The following AGBL4 variants were observed in gnomAD, a reference collection of about 807,000 sequenced individuals.
AGBL4 encodes AGBL carboxypeptidase 4, also known as cytosolic carboxypeptidase 6.
Under a neutral mutation model 66.4 loss-of-function variants are expected in AGBL4, and 58 were observed. The observed-to-expected ratio is 0.87, with a 90% CI of 0.71 to 1.09. The LOEUF is 1.09. AGBL4 is among the 50% of genes least tolerant of loss of function. The pLI, the probability that AGBL4 is intolerant of heterozygous loss-of-function variation, is 0.00. For synonymous variants in AGBL4, 234 were observed against 222.9 expected, an observed-to-expected ratio of 1.05 and a Z score of -0.44; for missense variants, 579 against 631.0, an observed-to-expected ratio of 0.92 and a Z score of 0.88.
chr1:48,542,900 T>C (rs1644097474), intron 11 of AGBL4, among the ~76,000 whole-genome samples: 5 of 152,246 alleles, frequency 3.3e-5, no homozygotes, highest in Admixed American at 2.6e-4. Flanking sequence ...GTTTCAGTCA[T>C]GAAGTCTTTC....
intron 6 of AGBL4, among the ~76,000 whole-genome samples, chr1:48,749,944 G>T (rs925030713): frequency 6.6e-6 from 1 of 152,222 alleles, no homozygotes; most frequent in African/African-American, 2.4e-5. Flanking sequence ...GGAATAAGTG[G>T]GGTGGGCAGC....
chr1:48,805,086 T>C (rs1054961070), intron 6 of AGBL4, among the ~76,000 whole-genome samples: 4 of 152,130 alleles, frequency 2.6e-5, no homozygotes, highest in Non-Finnish European at 5.9e-5. Flanking sequence ...ACCTGCTGGG[T>C]ACCAGACCCC....
intron 4 of AGBL4, among the ~76,000 whole-genome samples, chr1:49,137,651 C>T (rs1323328777): frequency 1.3e-5 from 2 of 151,952 alleles, no homozygotes; most frequent in African/African-American, 2.4e-5. Flanking sequence ...TATAGGCTAC[C>T]GAGTAGTCAA....
intron 4 of AGBL4, among the ~76,000 whole-genome samples, chr1:49,151,733 T>C (rs1022293278): frequency 3.3e-5 from 5 of 152,200 alleles, no homozygotes; most frequent in African/African-American, 1.2e-4. Flanking sequence ...CTCTGAAGAA[T>C]TACAACGTGT....
intron 7 of AGBL4, among the ~76,000 whole-genome samples, chr1:48,658,901 C>T (rs928325225): frequency 2.0e-5 from 3 of 151,508 alleles, no homozygotes; most frequent in Non-Finnish European, 2.9e-5. Flanking sequence ...CTTCTTACTC[C>T]CACAAAATAA....
intron 3 of AGBL4, among the ~76,000 whole-genome samples, chr1:49,594,627 T>C (rs1644816851): frequency 6.6e-6 from 1 of 152,252 alleles, no homozygotes; most frequent in South Asian, 2.1e-4. Context: ...TTTGGTTTTC[T>C]GTTCTTGTGT....
At chr1:48,806,941 T>A (rs1169399774) in intron 6 of AGBL4, among the ~76,000 whole-genome samples, 4 of 152,144 alleles carry the variant, frequency 2.6e-5, no homozygotes, top group African/African-American at 9.7e-5. Context: ...TATGTGTGTG[T>A]GTGTGTGTGT....
At chr1:49,624,833 AT>A (rs1329764973) in intron 3 of AGBL4, among the ~76,000 whole-genome samples, 1 of 152,176 alleles carries the variant, frequency 6.6e-6, no homozygotes. Flanking sequence ...AATTCCTTAT[AT>A]TTTTTAAAGC....
intron 6 of AGBL4, among the ~76,000 whole-genome samples, chr1:48,673,896 T>C (rs558995404): frequency 1.3e-5 from 2 of 152,280 alleles, no homozygotes; most frequent in South Asian, 2.1e-4. Flanking sequence ...ACCGCCCCCA[T>C]TGCATGTTGT....
chr1:49,186,164 T>TC (rs1647012602), intron 4 of AGBL4, among the ~76,000 whole-genome samples: 1 of 152,138 alleles, frequency 6.6e-6, no homozygotes, highest in Non-Finnish European at 1.5e-5. Flanking sequence ...GAGCAAATGC[T>TC]CCCCAACACC....
chr1:49,439,643 C>T (rs1645980669), intron 3 of AGBL4, among the ~76,000 whole-genome samples: 2 of 152,138 alleles, frequency 1.3e-5, no homozygotes, highest in South Asian at 4.1e-4. Flanking sequence ...CACCCTTAAT[C>T]TGGGTGGGCA....
intron 1 of AGBL4, among the ~76,000 whole-genome samples, chr1:49,923,868 G>T (rs1445319319): frequency 6.6e-6 from 1 of 152,194 alleles, no homozygotes; most frequent in African/African-American, 2.4e-5. Context: ...CAATGTTGGG[G>T]GAAGTGTAAC....
chr1:49,954,108 T>G (rs1656391250), intron 1 of AGBL4, among the ~76,000 whole-genome samples: 1 of 151,870 alleles, frequency 6.6e-6, no homozygotes. Context: ...TTACATATAT[T>G]GGTCTCAAAC....
At chr1:49,576,568 T>C (rs1332022378) in intron 3 of AGBL4, among the ~76,000 whole-genome samples, 2 of 152,210 alleles carry the variant, frequency 1.3e-5, no homozygotes, top group African/African-American at 4.8e-5. Context: ...CAAGTCACCA[T>C]GCGAATTGAA....
intron 3 of AGBL4, among the ~76,000 whole-genome samples, chr1:49,618,126 T>C (rs1645285467): frequency 6.6e-6 from 1 of 152,192 alleles, no homozygotes; most frequent in Non-Finnish European, 1.5e-5. Context: ...GTTCTTCTGT[T>C]AGTTTGCTGA....
intron 4 of AGBL4, among the ~76,000 whole-genome samples, chr1:49,238,173 T>C (rs1650936306): frequency 6.6e-6 from 1 of 152,190 alleles, no homozygotes; most frequent in Admixed American, 6.5e-5. Flanking sequence ...CGGCATGGAT[T>C]TTCTGTTTGA....
chr1:48,653,913 T>G (rs185751717), intron 7 of AGBL4, among the ~76,000 whole-genome samples: 4 of 152,352 alleles, frequency 2.6e-5, no homozygotes, highest in Non-Finnish European at 4.4e-5. Context: ...ATGCTCATGT[T>G]GCTGATAGGC....
chr1:49,080,635 T>C (rs946504915), intron 4 of AGBL4, among the ~76,000 whole-genome samples: 17 of 152,016 alleles, frequency 1.1e-4, no homozygotes, highest in African/African-American at 4.1e-4. Context: ...GAGAGAGGAA[T>C]AGGAGAGACA....
intron 3 of AGBL4, among the ~76,000 whole-genome samples, chr1:49,341,999 G>T (rs1645549059): frequency 1.3e-5 from 2 of 152,064 alleles, no homozygotes; most frequent in South Asian, 4.1e-4. Flanking sequence ...CTGGTTTACT[G>T]GTCTGTGTTA....
Sources: gnomAD v4.1 joint callset for allele counts (sites outside exome capture counted in the v4.1 genomes callset) on GRCh38, gnomAD v4.1.1 for gene constraint, MANE v1.5 for transcripts, NCBI Gene and HGNC (gene_info 2026-07-23, HGNC 2026-07-21) for gene names.